Variants in SH3GL2 observed in about 807,000 individuals in gnomAD.
SH3GL2 encodes the protein endophilin-A1.
Under a neutral mutation model 46.0 loss-of-function variants are expected in SH3GL2, and 24 were observed. The observed-to-expected ratio is 0.52, with a 90% CI of 0.38 to 0.73. The LOEUF (loss-of-function observed/expected upper bound fraction) is 0.73. Ranked by LOEUF, SH3GL2 falls within the 30% of genes least tolerant of loss-of-function variation. SH3GL2 has a pLI of 0.00. For missense variants in SH3GL2, 413 were observed against 424.2 expected, an observed-to-expected ratio of 0.97 and a Z score of 0.23; for synonymous variants, 196 against 147.1, an observed-to-expected ratio of 1.33 and a Z score of -2.40.
chr9:17,690,989 ATAT>A (rs1327812222), intron 1 of SH3GL2, among the ~76,000 whole-genome samples: 1 of 152,140 alleles, frequency 6.6e-6, no homozygotes, highest in Non-Finnish European at 1.5e-5. Context: ...AGTGTGGCAA[ATAT>A]TATACTTTTA....
At chr9:17,789,285 T>G in intron 5 of SH3GL2, 107 bp from the exon 6 acceptor site, 3 of 867,920 alleles carry the variant, frequency 3.5e-6, no homozygotes, top group Non-Finnish European at 5.5e-6. Flanking sequence ...ATTTTAAAAC[T>G]TAGCCTATCT....
intron 1 of SH3GL2, among the ~76,000 whole-genome samples, chr9:17,652,441 T>G (rs557354076): frequency 4.6e-5 from 7 of 152,228 alleles, no homozygotes; most frequent in Non-Finnish European, 8.8e-5. Context: ...TGGTGGAGTT[T>G]TTGTAATTTT....
chr9:17,739,297 T>C (rs1822454501), intron 1 of SH3GL2, among the ~76,000 whole-genome samples: 1 of 152,134 alleles, frequency 6.6e-6, no homozygotes, highest in Admixed American at 6.6e-5. Context: ...TTATTAGCAC[T>C]TTTTTCTTCT....
At chr9:17,731,542 C>T (rs1031383201) in intron 1 of SH3GL2, among the ~76,000 whole-genome samples, 7 of 151,950 alleles carry the variant, frequency 4.6e-5, no homozygotes, top group South Asian at 4.1e-4. Context: ...GCAAAGGCAG[C>T]GTCATGCAAG....
chr9:17,666,064 A>G (rs1004459697), intron 1 of SH3GL2, among the ~76,000 whole-genome samples: 18 of 151,676 alleles, frequency 1.2e-4, no homozygotes, highest in African/African-American at 4.4e-4. Context: ...TTAACAAAAA[A>G]TATTTAAAAT....
intron 3 of SH3GL2, among the ~76,000 whole-genome samples, chr9:17,775,026 A>G (rs1823602058): frequency 6.6e-6 from 1 of 152,126 alleles, no homozygotes; most frequent in Non-Finnish European, 1.5e-5. Flanking sequence ...TTGTGTTTCT[A>G]AGAGTTTGTC....
chr9:17,579,696 C>G (rs184274313), intron 1 of SH3GL2, among the ~76,000 whole-genome samples: 2,810 of 152,248 alleles, frequency 0.018, 95 homozygotes, highest in African/African-American at 0.065. Flanking sequence ...CCGGCTTTCC[C>G]GGGATGTGTT....
intron 3 of SH3GL2, among the ~76,000 whole-genome samples, chr9:17,781,651 T>G (rs892161696): frequency 3.3e-5 from 5 of 152,168 alleles, no homozygotes; most frequent in African/African-American, 1.2e-4. Context: ...GTCCAGAATT[T>G]TCTACCAATT....
chr9:17,748,691 G>T (rs1329767545), intron 2 of SH3GL2, among the ~76,000 whole-genome samples: 1 of 152,072 alleles, frequency 6.6e-6, no homozygotes, highest in Non-Finnish European at 1.5e-5. Flanking sequence ...TATAGACAAG[G>T]TTCCTGAGTG....
At chr9:17,652,747 C>G (rs1032021071) in intron 1 of SH3GL2, among the ~76,000 whole-genome samples, 2 of 152,130 alleles carry the variant, frequency 1.3e-5, no homozygotes, top group South Asian at 4.1e-4. Context: ...AGATGCTCAA[C>G]CTGTATTATT....
chr9:17,771,513 C>T lies in SH3GL2; in HGVS notation c.187+10004C>T, dbSNP rs559220809. Among the ~76,000 whole-genome samples the T allele has an allele frequency of 1.3e-4, 20 of 152,262 alleles. No homozygotes were observed. In the East Asian group the frequency reaches 3.5e-3, roughly 26 times the overall value. On this transcript the variant is annotated intron_variant, in intron 3 of 8. Transcript: ENST00000380607. ...CTTACAATAAGGATATATTATTTAC[C>T]ACCACCCTCTATTTGCTCTGAAAAC...
intron 1 of SH3GL2, among the ~76,000 whole-genome samples, chr9:17,580,565 G>T (rs973170421): frequency 6.6e-6 from 1 of 152,140 alleles, no homozygotes; most frequent in Non-Finnish European, 1.5e-5. Flanking sequence ...GACTATTTCT[G>T]TAAAAATGTT....
chr9:17,647,182 T>G (rs1291566456), intron 1 of SH3GL2, among the ~76,000 whole-genome samples: 1 of 152,220 alleles, frequency 6.6e-6, no homozygotes, highest in African/African-American at 2.4e-5. Flanking sequence ...CATATCTAAA[T>G]TGACTTGTAA....
intron 1 of SH3GL2, among the ~76,000 whole-genome samples, chr9:17,581,178 T>G (rs1295895621): frequency 1.3e-5 from 2 of 152,216 alleles, no homozygotes; most frequent in Non-Finnish European, 2.9e-5. Flanking sequence ...AGCTAGACCT[T>G]TTAGTTTTTC....
At chr9:17,773,561 G>T (rs1823554502) in intron 3 of SH3GL2, among the ~76,000 whole-genome samples, 1 of 152,174 alleles carries the variant, frequency 6.6e-6, no homozygotes, top group Non-Finnish European at 1.5e-5. Flanking sequence ...TGGTTGAAAA[G>T]ACTATTATTT....
chr9:17,725,440 C>G (rs961277037), intron 1 of SH3GL2, among the ~76,000 whole-genome samples: 1 of 152,118 alleles, frequency 6.6e-6, no homozygotes, highest in African/African-American at 2.4e-5. Context: ...CTGTGTGCCA[C>G]CAAAATCTCC....
chr9:17,681,585 C>G (rs916565512), intron 1 of SH3GL2, among the ~76,000 whole-genome samples: 8 of 151,882 alleles, frequency 5.3e-5, no homozygotes, highest in African/African-American at 1.9e-4. Context: ...TGTAAAACCC[C>G]AAATCATGAA....
intron 1 of SH3GL2, among the ~76,000 whole-genome samples, chr9:17,686,038 A>G (rs1483579092): frequency 7.1e-6 from 1 of 140,764 alleles, no homozygotes; most frequent in Non-Finnish European, 1.5e-5. Context: ...TTTGCAACCT[A>G]CTCATCTGAC....
At chr9:17,673,682 T>C (rs965359183) in intron 1 of SH3GL2, among the ~76,000 whole-genome samples, 2 of 152,184 alleles carry the variant, frequency 1.3e-5, no homozygotes, top group Non-Finnish European at 2.9e-5. Flanking sequence ...AACATAACTT[T>C]AGAATACAGC....
Sources: gnomAD v4.1 joint callset for allele counts (sites outside exome capture counted in the v4.1 genomes callset) on GRCh38, gnomAD v4.1.1 for gene constraint, MANE v1.5 for transcripts, NCBI Gene and HGNC (gene_info 2026-07-23, HGNC 2026-07-21) for gene names.